ADCY2: variants seen among roughly 807,000 people sequenced by gnomAD.
ADCY2 encodes adenylate cyclase type 2.
A neutral mutation model predicts 125.2 loss-of-function variants in ADCY2; 31 were observed. The observed-to-expected ratio is 0.25, with a 90% confidence interval of 0.19 to 0.33. The LOEUF is 0.33. ADCY2 is among the 10% of genes least tolerant of loss of function. ADCY2 has a pLI of 1.00. For missense variants in ADCY2, 904 were observed against 1,418.2 expected (o/e 0.64, Z 5.82); for synonymous variants, 512 against 548.4 (o/e 0.93, Z 0.93).
rs566059511 is a variant in ADCY2 at position 7,802,655 on chromosome 5, G to T, written c.2775+291G>T. 6.6e-6 allele frequency among the ~76,000 whole-genome samples: 1 copy of T among 152,074 alleles called. No individual in the cohort carries two copies. The highest frequency in any genetic ancestry group is 2.4e-5 in the African/African-American group (1 of 41,404). On this transcript the variant is annotated intron_variant, in intron 21 of 24. Transcript: ENST00000338316. This position sits in a 1 kb window ranked among gnomAD's most constrained non-coding sequence, Gnocchi z 4.6. ...ATTCTTTACAAAGGCTTGAATTCGC[G>T]GTAAAATACTTGCCCATCCCTTTCT...
chr5:7,398,818 A>T (rs2061531962), intron 1 of ADCY2, among the ~76,000 whole-genome samples: 1 of 152,198 alleles, frequency 6.6e-6, no homozygotes, highest in Non-Finnish European at 1.5e-5. Flanking sequence ...CTGAGTCGGG[A>T]CTGGGATGAT....
intron 2 of ADCY2, among the ~76,000 whole-genome samples, chr5:7,439,702 C>T (rs568372902): frequency 6.6e-5 from 10 of 152,262 alleles, no homozygotes; most frequent in South Asian, 4.1e-4. Flanking sequence ...GAAAGTGTCA[C>T]GGAGAAAGTT....
chr5:7,673,728 A>G (rs377470423), intron 4 of ADCY2, among the ~76,000 whole-genome samples: 7 of 152,158 alleles, frequency 4.6e-5, no homozygotes, highest in African/African-American at 1.7e-4. Flanking sequence ...GAAAGCCAAT[A>G]GGCAAGAGGT....
intron 4 of ADCY2, among the ~76,000 whole-genome samples, chr5:7,636,217 A>C (rs959076074): frequency 1.3e-5 from 2 of 152,252 alleles, no homozygotes; most frequent in Non-Finnish European, 2.9e-5. Context: ...AGGGCGCAGC[A>C]CCATTTGCAG....
At chr5:7,539,759 G>C (rs192213007) in intron 3 of ADCY2, among the ~76,000 whole-genome samples, 2 of 152,352 alleles carry the variant, frequency 1.3e-5, no homozygotes, top group African/African-American at 4.8e-5. Flanking sequence ...TCTAGGAACA[G>C]CTAAGGACAG....
chr5:7,522,489 G>GTT (rs1744480246), intron 3 of ADCY2: 1 of 152,082 alleles, frequency 6.6e-6, no homozygotes, highest in Non-Finnish European at 1.5e-5. Context: ...CCTCTCCTGT[G>GTT]GGGCATTTCT....
chr5:7,699,258 C>T (rs917975472), intron 7 of ADCY2, among the ~76,000 whole-genome samples: 15 of 150,178 alleles, frequency 1.0e-4, no homozygotes, highest in African/African-American at 3.7e-4. Context: ...CCACTACGCC[C>T]GGCTAATTTT....
At chr5:7,732,806 C>T (rs771294209) in intron 14 of ADCY2, among the ~76,000 whole-genome samples, 1 of 152,150 alleles carries the variant, frequency 6.6e-6, no homozygotes, top group Non-Finnish European at 1.5e-5. Context: ...GAAAGGACCA[C>T]TAAAGGGAGG....
chr5:7,601,836 G>C (rs1737216475), intron 3 of ADCY2, among the ~76,000 whole-genome samples: 1 of 152,150 alleles, frequency 6.6e-6, no homozygotes, highest in South Asian at 2.1e-4. Flanking sequence ...TCATTCCCTA[G>C]GGCTGCTGTA....
At chr5:7,793,567 G>A (rs1040252530) in intron 20 of ADCY2, 2 of 152,090 alleles carry the variant, frequency 1.3e-5, no homozygotes, top group African/African-American at 4.8e-5. Context: ...AGCCCGGAGT[G>A]GGGACTCGGG....
At position 7,444,031 on chromosome 5, in the gene ADCY2, C is replaced by T. The variant is rs115308169; in HGVS notation, c.408+29261C>T. Among the ~76,000 whole-genome samples the T allele has an allele frequency of 3.8e-3, 575 of 151,756 alleles. 1 individual carries two copies. The highest frequency in any genetic ancestry group is 0.013 in the African/African-American group (542 of 41,354). ...AATCTCAGAGAGATTTCAGGTAAAT[C>T]TTCCTCATACCTGCTATTTTTGTCC... is the stretch of plus-strand genomic sequence containing the variant. On this transcript the variant is annotated intron_variant, in intron 2 of 24. Transcript: ENST00000338316.
At chr5:7,490,420 A>G (rs1302193507) in intron 2 of ADCY2, among the ~76,000 whole-genome samples, 3 of 152,142 alleles carry the variant, frequency 2.0e-5, no homozygotes, top group Admixed American at 6.5e-5. Context: ...ATGAACAGAG[A>G]TATGCCTGCC....
intron 2 of ADCY2, among the ~76,000 whole-genome samples, chr5:7,503,871 G>A (rs946499295): frequency 2.0e-5 from 3 of 152,196 alleles, no homozygotes; most frequent in African/African-American, 7.2e-5. Flanking sequence ...TTAAAAAGAA[G>A]GCAGGGGTGG....
chr5:7,769,832 C>G lies in ADCY2; in HGVS notation c.2214+3026C>G, dbSNP rs147347262. 4.6e-5 allele frequency among the ~76,000 whole-genome samples: 7 copies of G among 152,278 alleles called. No homozygotes were observed. In the East Asian group the frequency reaches 1.4e-3, roughly 29 times the overall value. On this transcript the variant is annotated intron_variant, in intron 17 of 24. Coordinates refer to ENST00000338316, the MANE Select transcript of ADCY2 (RefSeq NM_020546.3). ...CCCGATAATGGTGGCTGTTACCTTACTGTAAAATGCAAGTTGGTTTCAATG... is the reference window on the plus strand; with the variant it reads ...CCCGATAATGGTGGCTGTTACCTTAGTGTAAAATGCAAGTTGGTTTCAATG...
At chr5:7,435,931 C>A (rs1002902229) in intron 2 of ADCY2, among the ~76,000 whole-genome samples, 1 of 152,114 alleles carries the variant, frequency 6.6e-6, no homozygotes, top group Non-Finnish European at 1.5e-5. Context: ...ATTTTAGAAG[C>A]CTTCAGAAAC....
intron 18 of ADCY2, among the ~76,000 whole-genome samples, chr5:7,780,139 A>G (rs4629561): frequency 0.15 from 22,950 of 152,188 alleles, 2,507 homozygotes; most frequent in East Asian, 0.62. Context: ...TTCTCAAGTC[A>G]GAGTTAGATG....
At position 7,827,850 on chromosome 5, in the gene ADCY2, C is replaced by T. The variant is rs1036012035; in HGVS notation, c.*979C>T. On this transcript the variant is annotated 3_prime_UTR_variant, in exon 25 of 25. Transcript: ENST00000338316. ...TTCTCTGCGAGCAACAGTGCCCCCT[C>T]CGTCCACTACGCTCCTGTCTCCAAG... The T allele has an allele frequency of 1.3e-5, 2 of 152,380 alleles. No homozygotes were observed. Among genetic ancestry groups the T allele is most frequent in the African/African-American group, 4.8e-5 (2 of 41,464 alleles). 9.4% of individuals were successfully genotyped at this position (152,380 alleles called of 1,614,324 possible).
At chr5:7,764,953 T>C (rs1743335004) in intron 16 of ADCY2, among the ~76,000 whole-genome samples, 1 of 152,180 alleles carries the variant, frequency 6.6e-6, no homozygotes, top group South Asian at 2.1e-4. Context: ...GTTTCTTGAA[T>C]TTACGGGTAG....
At chr5:7,417,968 T>C (rs1241454758) in intron 2 of ADCY2, among the ~76,000 whole-genome samples, 1 of 152,236 alleles carries the variant, frequency 6.6e-6, no homozygotes, top group East Asian at 1.9e-4. Context: ...GTTGTTATTG[T>C]TTGTATTTTA....
Sources: allele counts gnomAD v4.1 joint callset (sites outside exome capture counted in the v4.1 genomes callset), GRCh38; gene constraint gnomAD v4.1.1; non-coding constraint Gnocchi (gnomAD v3.1); transcripts MANE v1.5; gene names NCBI Gene and HGNC (gene_info 2026-07-23, HGNC 2026-07-21).